ANK1: variants seen among roughly 807,000 people sequenced by gnomAD.
ANK1 encodes ankyrin 1, also known as ankyrin-1.
A neutral mutation model predicts 210.4 loss-of-function variants in ANK1; 51 were observed. The observed-to-expected ratio is 0.24, with a 90% CI of 0.19 to 0.31. The LOEUF (loss-of-function observed/expected upper bound fraction) is 0.31, where lower values mean the gene tolerates loss of function less well. ANK1 is among the 10% of genes least tolerant of loss of function. The probability of loss-of-function intolerance (pLI) is 1.00; values close to 1 mark genes in which losing one functional copy is unlikely to be tolerated. For synonymous variants in ANK1, 967 were observed against 1,025.9 expected, an observed-to-expected ratio of 0.94 and a Z score of 1.10; for missense variants, 2,051 against 2,504.4, an observed-to-expected ratio of 0.82 and a Z score of 3.86.
At chr8:41,814,082 C>T (rs1291587292) in intron 1 of ANK1, among the ~76,000 whole-genome samples, 3 of 152,216 alleles carry the variant, frequency 2.0e-5, no homozygotes, top group South Asian at 4.1e-4. Flanking sequence ...TTCATAGAGG[C>T]CGGGCGTGGC....
chr8:41,688,885 G>A (rs1818443345), intron 33 of ANK1, among the ~76,000 whole-genome samples: 1 of 152,212 alleles, frequency 6.6e-6, no homozygotes, highest in African/African-American at 2.4e-5. Context: ...GGTGGGTGCT[G>A]TATTACTCCC....
At chr8:41,684,938 A>T (rs908396259) in intron 36 of ANK1, among the ~76,000 whole-genome samples, 1 of 152,186 alleles carries the variant, frequency 6.6e-6, no homozygotes, top group African/African-American at 2.4e-5. Context: ...ACCAAAAAAA[A>T]AATAAATTAT....
rs183861112 is a variant in ANK1, at chr8:41,695,906, T to C, written c.2960+457A>G. 1.6e-3 allele frequency among the ~76,000 whole-genome samples: 251 copies of C among 152,288 alleles called. 1 individual carries two copies. The highest frequency in any genetic ancestry group is 5.8e-3 in the African/African-American group (243 of 41,570). ...TTCAAGGGAGTGGAGCACAGGCCTC[T>C]GGAGCCGGGTACTTCCCTCGTCCTC... On this transcript the variant is annotated intron_variant, in intron 26 of 42. Transcript: ENST00000289734.
chr8:41,706,372 T>A, intron 17 of ANK1, 131 bp from the exon 18 acceptor site: 3 of 830,286 alleles, frequency 3.6e-6, no homozygotes, highest in Non-Finnish European at 5.9e-6. Flanking sequence ...CAGGCAAAGC[T>A]CTTCCTGTTC....
chr8:41,755,993 T>G (rs1839052188), intron 2 of ANK1, among the ~76,000 whole-genome samples: 1 of 152,192 alleles, frequency 6.6e-6, no homozygotes, highest in East Asian at 1.9e-4. Context: ...ACACACCTAC[T>G]TCTGTTTCCC....
intron 37 of ANK1, among the ~76,000 whole-genome samples, chr8:41,674,415 A>G (rs1017366685): frequency 6.6e-6 from 1 of 152,176 alleles, no homozygotes; most frequent in Non-Finnish European, 1.5e-5. Context: ...CCCATCTCTG[A>G]GGCTGTCCTA....
At chr8:41,716,814 C>A in intron 13 of ANK1, 139 bp downstream of exon 13, 1 of 880,268 alleles carries the variant, frequency 1.1e-6, no homozygotes, top group Non-Finnish European at 1.9e-6. Context: ...AATCTGGGCG[C>A]TCAGAGTGAC....
intron 1 of ANK1, among the ~76,000 whole-genome samples, chr8:41,780,627 G>A (rs1017985075): frequency 6.6e-6 from 1 of 152,202 alleles, no homozygotes; most frequent in Non-Finnish European, 1.5e-5. Context: ...CCTTGGCAGC[G>A]CTGGCCGCCA....
At chr8:41,731,775 C>G (rs930520640) in intron 3 of ANK1, among the ~76,000 whole-genome samples, 4 of 152,174 alleles carry the variant, frequency 2.6e-5, no homozygotes, top group Non-Finnish European at 4.4e-5. Flanking sequence ...AAAATCACAA[C>G]CTGGGGAGGA....
intron 2 of ANK1, among the ~76,000 whole-genome samples, chr8:41,736,956 C>A (rs1422715687): frequency 1.3e-5 from 2 of 152,140 alleles, no homozygotes; most frequent in African/African-American, 4.8e-5. Flanking sequence ...ACAGGACCAA[C>A]CTGGATTTCC....
intron 2 of ANK1, among the ~76,000 whole-genome samples, chr8:41,738,380 G>A (rs1351778848): frequency 1.3e-5 from 2 of 152,104 alleles, no homozygotes; most frequent in African/African-American, 2.4e-5. Context: ...TACCTAAGGG[G>A]TGGTGACAGC....
rs572454490 is a variant in ANK1 at position 41,718,036 on chromosome 8, C to T, written c.1206+70G>A. On this transcript the variant is annotated intron_variant, in intron 11 of 42. Coordinates refer to ENST00000289734, the MANE Select transcript of ANK1 (RefSeq NM_000037.4). ...TGCAGCCATACAAAGCTACAAAGAGCGACTCTTGGAGAAGGTGGGTCGGGG... is the reference window on the plus strand; with the variant it reads ...TGCAGCCATACAAAGCTACAAAGAGTGACTCTTGGAGAAGGTGGGTCGGGG... The T allele has an allele frequency of 6.9e-5, 101 of 1,458,090 alleles. No homozygotes were observed. The South Asian group carries it at 8.4e-4, about 12-fold the overall frequency. 90.3% of individuals were successfully genotyped at this position (1,458,090 alleles called of 1,614,324 possible). A position where few individuals can be genotyped will look rare whatever the true frequency, so the allele number is the denominator to read the frequency against.
At chr8:41,805,107 C>G (rs1404997469) in intron 1 of ANK1, among the ~76,000 whole-genome samples, 2 of 151,242 alleles carry the variant, frequency 1.3e-5, no homozygotes, top group East Asian at 3.9e-4. Context: ...GTGTTTCTCT[C>G]TCTCATAGAG....
At chr8:41,896,475 A>G in exon 1 of ANK1, 1 of 1,599,878 alleles carries the variant, frequency 6.3e-7, no homozygotes, top group Non-Finnish European at 8.5e-7. Context: ...TGGCCGCTTG[A>G]GCCATGGCGG....
At chr8:41,889,681 G>A (rs565285035) in intron 1 of ANK1, among the ~76,000 whole-genome samples, 3 of 152,240 alleles carry the variant, frequency 2.0e-5, no homozygotes, top group South Asian at 2.1e-4. Context: ...AGAGGAATCC[G>A]GTCTCCCCAC....
At chr8:41,734,497 A>C (rs2150673871) in intron 2 of ANK1, among the ~76,000 whole-genome samples, 1 of 152,348 alleles carries the variant, frequency 6.6e-6, no homozygotes, top group African/African-American at 2.4e-5. Context: ...AAATAGACAT[A>C]TGTTTGGTAA....
intron 14 of ANK1, 43 bp downstream of exon 14, chr8:41,715,609 G>A (rs890968742): frequency 1.2e-6 from 2 of 1,608,010 alleles, no homozygotes; most frequent in Non-Finnish European, 1.7e-6. Flanking sequence ...GCCTGGCTGA[G>A]TGAGCCTGTT....
intron 1 of ANK1, among the ~76,000 whole-genome samples, chr8:41,866,295 T>G (rs1005348287): frequency 3.9e-5 from 6 of 152,216 alleles, no homozygotes; most frequent in Admixed American, 6.5e-5. Context: ...GCTCAAGCGA[T>G]TCTCCTATCT....
chr8:41,787,035 T>G (rs1165433200), intron 1 of ANK1, among the ~76,000 whole-genome samples: 1 of 152,190 alleles, frequency 6.6e-6, no homozygotes, highest in Non-Finnish European at 1.5e-5. Context: ...CCACTCCACA[T>G]GTATTTATTT....
Sources: gnomAD v4.1 joint callset for allele counts (sites outside exome capture counted in the v4.1 genomes callset) on GRCh38, gnomAD v4.1.1 for gene constraint, MANE v1.5 for transcripts, NCBI Gene and HGNC (gene_info 2026-07-23, HGNC 2026-07-21) for gene names.